Variants in FYB2 observed in about 807,000 individuals in gnomAD.
FYB2 encodes FYN binding protein 2.
In FYB2, 103 loss-of-function variants were observed where a neutral mutation model predicts 94.1. The observed-to-expected ratio is 1.09, with a 90% CI of 0.93 to 1.29. The LOEUF (loss-of-function observed/expected upper bound fraction) is 1.29, where lower values mean the gene tolerates loss of function less well. Among genes scored for constraint, FYB2 ranks in the 50% most tolerant of loss-of-function variants. The pLI is 0.00. For synonymous variants in FYB2, 293 were observed against 287.9 expected (o/e 1.02, Z -0.18); for missense variants, 896 against 841.5 (o/e 1.06, Z -0.80).
At chr1:56,741,842 T>A (rs1317254472) in intron 12 of FYB2, among the ~76,000 whole-genome samples, 1 of 152,068 alleles carries the variant, frequency 6.6e-6, no homozygotes, top group Non-Finnish European at 1.5e-5. Flanking sequence ...AATATTTACA[T>A]CTCTTTTATT....
At chr1:56,776,195 T>C (rs1423281476) in intron 4 of FYB2, among the ~76,000 whole-genome samples, 1 of 152,154 alleles carries the variant, frequency 6.6e-6, no homozygotes, top group East Asian at 1.9e-4. Flanking sequence ...TCAAGGAGCC[T>C]GTGAGTGGGC....
chr1:56,763,661 T>C (rs1244889217), intron 5 of FYB2, among the ~76,000 whole-genome samples: 1 of 151,556 alleles, frequency 6.6e-6, no homozygotes, highest in Non-Finnish European at 1.5e-5. Context: ...TAGAAGTTTA[T>C]CTATTTTTTC....
At chr1:56,738,755 C>T in intron 13 of FYB2, 102 bp from the exon 14 acceptor site, 2 of 1,237,720 alleles carry the variant, frequency 1.6e-6, no homozygotes, top group Non-Finnish European at 2.3e-6. Flanking sequence ...CTGGATTGCC[C>T]TTCTTGCCCT....
intron 17 of FYB2, among the ~76,000 whole-genome samples, chr1:56,722,601 T>C (rs577484983): frequency 6.6e-6 from 1 of 152,134 alleles, no homozygotes; most frequent in African/African-American, 2.4e-5. Flanking sequence ...AGAGTTGGAA[T>C]AGACCAAGGA....
chr1:56,749,118 T>C (rs60265163), intron 9 of FYB2, among the ~76,000 whole-genome samples: 18,389 of 151,456 alleles, frequency 0.12, 1,247 homozygotes, highest in Admixed American at 0.2. Context: ...TTTTAAGATA[T>C]TCTCTTATTC....
chr1:56,820,970 C>A (rs971768474), upstream of FYB2, among the ~76,000 whole-genome samples: 2 of 152,206 alleles, frequency 1.3e-5, no homozygotes, highest in Non-Finnish European at 2.9e-5. Context: ...CTTCATGACT[C>A]TCTGTTTGGC....
chr1:56,786,375 T>C (rs900426960), intron 4 of FYB2, among the ~76,000 whole-genome samples: 2 of 152,242 alleles, frequency 1.3e-5, no homozygotes, highest in Non-Finnish European at 2.9e-5. Context: ...ACTTCCTCCT[T>C]AGTGCAGCCT....
In FYB2 at chr1:56,777,239, C is replaced by CAAAAAAAAAAAAAAA; in HGVS notation, c.954-9316_954-9302dup. On this transcript the variant is annotated intron_variant, in intron 4 of 19. Transcript: ENST00000343433. ...ACAGAGCGAGACTCCGTCTCAAAAA[C>CAAAAAAAAAAAAAAA]AAAAAAAAAAAAAAAAAAAAAAAAA... Among the ~76,000 whole-genome samples, 2 of 4,798 alleles carry CAAAAAAAAAAAAAAA rather than the reference C, an allele frequency of 4.2e-4. 1 individual carries two copies. The highest frequency in any genetic ancestry group is 5.2e-4 in the Non-Finnish European group (2 of 3,850). The allele number at this position is 4,798 out of a possible 152,430, so 3.1% of individuals were successfully genotyped here.
chr1:56,806,167 T>C (rs528224758), intron 1 of FYB2, among the ~76,000 whole-genome samples: 2 of 152,216 alleles, frequency 1.3e-5, no homozygotes, highest in East Asian at 3.9e-4. Flanking sequence ...GATGGACACA[T>C]AAACAGACGA....
At chr1:56,791,538 G>A (rs1249301975) in intron 2 of FYB2, among the ~76,000 whole-genome samples, 1 of 152,112 alleles carries the variant, frequency 6.6e-6, no homozygotes, top group Non-Finnish European at 1.5e-5. Context: ...ATAAGCCACC[G>A]TGCCCAGCCA....
At position 56,817,291 on chromosome 1, in the gene FYB2, G is replaced by C. The variant is rs1646906207; in HGVS notation, c.9+1991C>G. ...CTGCCTCAGGGCGTTTATATCTGCT[G>C]TTACTTCTCTGTAGAATGTTCTTCT... On this transcript the variant is annotated intron_variant, in intron 1 of 19. Transcript: ENST00000343433. Among the ~76,000 whole-genome samples the C allele has an allele frequency of 2.0e-5, 3 of 152,254 alleles. No homozygotes were observed. In the South Asian group the frequency reaches 6.2e-4, roughly 32 times the overall value.
At position 56,751,019 on chromosome 1, in the gene FYB2, A is replaced by C. The variant is rs1645185142; in HGVS notation, c.1387+25T>G. 4 of 1,600,792 alleles carry C rather than the reference A, an allele frequency of 2.5e-6. No homozygotes were observed. In the East Asian group the frequency reaches 9.0e-5, roughly 36 times the overall value. ...TATAAAACAAATTGTAATGATGAAGAAGATCAGAAAGAAATGCAACTTACA... is the reference window on the plus strand; with the variant it reads ...TATAAAACAAATTGTAATGATGAAGCAGATCAGAAAGAAATGCAACTTACA... On this transcript the variant is annotated intron_variant, in intron 9 of 19. Coordinates refer to ENST00000343433, the MANE Select transcript of FYB2 (RefSeq NM_001004303.5).
chr1:56,811,906 G>T (rs1006413576), intron 1 of FYB2, among the ~76,000 whole-genome samples: 15 of 150,796 alleles, frequency 9.9e-5, no homozygotes, highest in Admixed American at 9.3e-4. Flanking sequence ...CGACTTTTCA[G>T]TTGTTAAAAA....
intron 2 of FYB2, 26 bp downstream of exon 2, chr1:56,792,030 T>C: frequency 6.5e-7 from 1 of 1,540,768 alleles, no homozygotes; most frequent in Non-Finnish European, 8.7e-7. Flanking sequence ...CCCTAGCCCC[T>C]GTCCCATGGG....
Position 56,818,491 on chromosome 1 carries a change from CACACACACAT to C in FYB2, c.9+781_9+790del, listed in dbSNP as rs1310502491. Among the ~76,000 whole-genome samples the C allele has an allele frequency of 2.4e-4, 36 of 151,000 alleles. 1 individual carries two copies. Among genetic ancestry groups the C allele is most frequent in the African/African-American group, 8.6e-4 (35 of 40,850 alleles). ...ACACACACACACACACACACACACA[CACACACACAT>C]GCACACGCACATCAAAAGAAACTGA... On this transcript the variant is annotated intron_variant, in intron 1 of 19. Transcript: ENST00000343433.
At chr1:56,729,649 A>G (rs575087101) in intron 15 of FYB2, among the ~76,000 whole-genome samples, 2 of 152,274 alleles carry the variant, frequency 1.3e-5, no homozygotes, top group African/African-American at 2.4e-5. Context: ...AAACTGCACC[A>G]TAGACCAAAT....
chr1:56,724,072 T>G (rs1644539264), intron 16 of FYB2, among the ~76,000 whole-genome samples: 1 of 151,880 alleles, frequency 6.6e-6, no homozygotes, highest in East Asian at 1.9e-4. Context: ...TTCTTTTTTT[T>G]AGGTTTAGGA....
At chr1:56,757,944 ATTTT>A (rs57915983) in intron 6 of FYB2, among the ~76,000 whole-genome samples, 313 of 139,234 alleles carry the variant, frequency 2.2e-3, no homozygotes, top group African/African-American at 7.3e-3. Context: ...TAATTTTTGT[ATTTT>A]TTTTTTTTTT....
At chr1:56,804,520 T>G (rs1022109550) in intron 1 of FYB2, among the ~76,000 whole-genome samples, 1 of 150,914 alleles carries the variant, frequency 6.6e-6, no homozygotes, top group African/African-American at 2.4e-5. Flanking sequence ...AGGTCAGGAG[T>G]TCAAGACCAG....
Sources: allele counts gnomAD v4.1 joint callset (sites outside exome capture counted in the v4.1 genomes callset), GRCh38; gene constraint gnomAD v4.1.1; transcripts MANE v1.5; gene names NCBI Gene and HGNC (gene_info 2026-07-23, HGNC 2026-07-21).